The following PIK3C2G variants were observed in gnomAD, a reference collection of about 807,000 sequenced individuals.
The protein encoded by PIK3C2G is phosphatidylinositol 3-kinase C2 domain-containing subunit gamma.
PIK3C2G carries 168 observed loss-of-function variants against 181.1 expected under a neutral mutation model. The observed-to-expected ratio is 0.93, with a 90% confidence interval of 0.82 to 1.05. The LOEUF (loss-of-function observed/expected upper bound fraction) is 1.05, where lower values mean the gene tolerates loss of function less well. Ranked by LOEUF, PIK3C2G falls within the 50% of genes least tolerant of loss-of-function variation. The pLI is 0.00. For synonymous variants in PIK3C2G, 573 were observed against 592.2 expected (o/e 0.97, Z 0.47); for missense variants, 1,869 against 1,732.8 (o/e 1.08, Z -1.40).
chr12:18,399,894 G>C lies in PIK3C2G; in HGVS notation c.2315+47G>C, dbSNP rs769084371. The stretch of plus-strand genomic sequence containing the variant: ...TGATATTACTGACTGAGAAGAACTT[G>C]CTTGAAGAGAACTATAGAACCATAT... On this transcript the variant is annotated intron_variant, in intron 16 of 32. Coordinates refer to ENST00000538779, the MANE Select transcript of PIK3C2G (RefSeq NM_001288772.2). 2.4e-6 allele frequency: 3 copies of C among 1,267,948 alleles called. No homozygotes were observed. The Admixed American group carries it at 6.6e-5, about 28-fold the overall frequency. The allele number at this position is 1,267,948 out of a possible 1,614,324, so 78.5% of individuals were successfully genotyped here. A position where few individuals can be genotyped will look rare whatever the true frequency, so the allele number is the denominator to read the frequency against.
chr12:18,415,042 C>T (rs1945099076), intron 16 of PIK3C2G, among the ~76,000 whole-genome samples: 1 of 152,158 alleles, frequency 6.6e-6, no homozygotes, highest in Non-Finnish European at 1.5e-5. Context: ...TATATTGATA[C>T]AAATACACAA....
chr12:18,367,478 A>G (rs1941722145), intron 12 of PIK3C2G, among the ~76,000 whole-genome samples: 2 of 152,234 alleles, frequency 1.3e-5, no homozygotes, highest in Admixed American at 1.3e-4. Context: ...AAGTCTAGCT[A>G]GAATTACGTA....
rs11285609 is a variant in PIK3C2G at position 18,641,743 on chromosome 12, C to CTTTTTTT, written c.4308+1203_4308+1209dup. Among the ~76,000 whole-genome samples, 142 of 93,172 alleles carry CTTTTTTT rather than the reference C, an allele frequency of 1.5e-3. 3 individuals are homozygous for CTTTTTTT. Among genetic ancestry groups the CTTTTTTT allele is most frequent in the South Asian group, 2.4e-3 (6 of 2,534 alleles). The allele number at this position is 93,172 out of a possible 152,430, so 61.1% of individuals were successfully genotyped here. A position where few individuals can be genotyped will look rare whatever the true frequency, so the allele number is the denominator to read the frequency against. ...AAAACCCTGGCTTCTCTCTCTCAAG[C>CTTTTTTT]TTTTTTTTTTTTTTTTTTTTGAGAT... On this transcript the variant is annotated intron_variant, in intron 32 of 32. Coordinates refer to ENST00000538779, the MANE Select transcript of PIK3C2G (RefSeq NM_001288772.2).
intron 18 of PIK3C2G, among the ~76,000 whole-genome samples, chr12:18,451,528 A>C (rs919362419): frequency 6.6e-6 from 1 of 152,196 alleles, no homozygotes; most frequent in Non-Finnish European, 1.5e-5. Context: ...AAACAGAGAC[A>C]ATTTGACTTC....
At chr12:18,587,164 C>T (rs1448386751) in intron 29 of PIK3C2G, among the ~76,000 whole-genome samples, 1 of 151,998 alleles carries the variant, frequency 6.6e-6, no homozygotes, top group African/African-American at 2.4e-5. Context: ...GGATGTCTTC[C>T]CTCATCACTC....
intron 1 of PIK3C2G, among the ~76,000 whole-genome samples, chr12:18,270,017 C>G (rs1948681517): frequency 1.3e-5 from 2 of 149,092 alleles, no homozygotes. Flanking sequence ...TCAAGCAATT[C>G]TCCTGCCTCA....
At chr12:18,721,680 T>A in the PIK3C2G span, among the ~76,000 whole-genome samples, 24 of 148,562 alleles carry the variant, frequency 1.6e-4, no homozygotes, top group African/African-American at 6.0e-4. Context: ...AGAACATAAA[T>A]CAATTCACTA....
At chr12:18,484,404 TA>T (rs1939846290) in intron 18 of PIK3C2G, among the ~76,000 whole-genome samples, 1 of 152,208 alleles carries the variant, frequency 6.6e-6, no homozygotes, top group Non-Finnish European at 1.5e-5. Flanking sequence ...CTCATATATT[TA>T]AGTGTTCTAA....
At chr12:18,616,808 G>T (rs1225476232) in intron 31 of PIK3C2G, among the ~76,000 whole-genome samples, 1 of 151,988 alleles carries the variant, frequency 6.6e-6, no homozygotes, top group East Asian at 1.9e-4. Context: ...GCAAAAAGCT[G>T]AAAATTTTTG....
chr12:18,315,934 A>G (rs989332651), intron 6 of PIK3C2G, among the ~76,000 whole-genome samples: 1 of 151,016 alleles, frequency 6.6e-6, no homozygotes, highest in Non-Finnish European at 1.5e-5. Flanking sequence ...ATTTTTTTCC[A>G]CAGCAATATC....
chr12:18,420,856 G>A (rs924192508), intron 16 of PIK3C2G, 85 bp from the exon 17 acceptor site: 5 of 734,466 alleles, frequency 6.8e-6, no homozygotes, highest in Non-Finnish European at 9.9e-6. Flanking sequence ...ACTGGGGGTA[G>A]AATTCATTCT....
rs1945542388 is a variant in PIK3C2G, at chr12:18,564,894, GTACCT to G, written c.3902+1397_3902+1401del. 2.0e-5 allele frequency among the ~76,000 whole-genome samples: 3 copies of G among 152,106 alleles called. No homozygotes were observed. The South Asian group carries it at 6.2e-4, about 32-fold the overall frequency. On this transcript the variant is annotated intron_variant, in intron 28 of 32. Transcript: ENST00000538779. ...TTCAAAAATGTCTCTGTTCTACACT[GTACCT>G]CACCAATACATATCAGTATAACTTG...
the PIK3C2G span, among the ~76,000 whole-genome samples, chr12:18,675,758 G>T: frequency 3.3e-5 from 5 of 151,340 alleles, no homozygotes; most frequent in Non-Finnish European, 7.4e-5. Flanking sequence ...TATTTTAAGT[G>T]AAATAACTCA....
the PIK3C2G span, chr12:18,701,619 T>A: frequency 7.9e-6 from 8 of 1,007,474 alleles, no homozygotes; most frequent in Admixed American, 2.8e-4. Context: ...CTCCTCCTCC[T>A]CCTCCTCCTC....
chr12:18,605,321 G>A (rs1291454273), intron 30 of PIK3C2G, among the ~76,000 whole-genome samples: 3 of 152,028 alleles, frequency 2.0e-5, no homozygotes, highest in Non-Finnish European at 4.4e-5. Flanking sequence ...TACAACCCTT[G>A]TAGCTTAAAT....
intron 23 of PIK3C2G, among the ~76,000 whole-genome samples, chr12:18,504,703 C>G (rs888340819): frequency 6.6e-6 from 1 of 152,188 alleles, no homozygotes; most frequent in African/African-American, 2.4e-5. Flanking sequence ...GAAACATAAA[C>G]ACAAATTGAC....
chr12:18,538,497 C>T (rs913018696), intron 25 of PIK3C2G, among the ~76,000 whole-genome samples, 185 bp downstream of exon 25: 1 of 151,808 alleles, frequency 6.6e-6, no homozygotes, highest in Non-Finnish European at 1.5e-5. Flanking sequence ...TATGTTCGTT[C>T]ATAGTTATTG....
intron 24 of PIK3C2G, among the ~76,000 whole-genome samples, chr12:18,522,332 A>G (rs556725546): frequency 6.6e-6 from 1 of 152,250 alleles, no homozygotes; most frequent in Admixed American, 6.5e-5. Context: ...CATCACTTAT[A>G]CCATTGAGCC....
At chr12:18,452,113 T>C (rs1320654138) in intron 18 of PIK3C2G, among the ~76,000 whole-genome samples, 1 of 152,226 alleles carries the variant, frequency 6.6e-6, no homozygotes, top group African/African-American at 2.4e-5. Context: ...AGTCCCTCTT[T>C]TTCTATTGTT....
Sources: allele counts gnomAD v4.1 joint callset (sites outside exome capture counted in the v4.1 genomes callset), GRCh38; gene constraint gnomAD v4.1.1; transcripts MANE v1.5; gene names NCBI Gene and HGNC (gene_info 2026-07-23, HGNC 2026-07-21).